Variants in FMNL2 observed in about 807,000 individuals in gnomAD.
FMNL2 encodes the protein formin like 2, also known as formin-like protein 2.
A neutral mutation model predicts 130.2 loss-of-function variants in FMNL2; 51 were observed. That is an observed-to-expected ratio of 0.39 (90% CI 0.31 to 0.49). The LOEUF is 0.49. FMNL2 is among the 20% of genes least tolerant of loss of function. FMNL2 has a pLI of 0.85. For synonymous variants in FMNL2, 465 were observed against 467.1 expected (o/e 1.00, Z 0.06); for missense variants, 977 against 1,316.2 (o/e 0.74, Z 3.99).
At chr2:152,555,590 C>CT (rs5835435) in intron 4 of FMNL2, among the ~76,000 whole-genome samples, 36,823 of 152,092 alleles carry the variant, frequency 0.24, 5,781 homozygotes, top group African/African-American at 0.44. Context: ...AAAACAGTGA[C>CT]TGTTGGCATT....
intron 15 of FMNL2, among the ~76,000 whole-genome samples, chr2:152,624,416 C>A (rs1681625633): frequency 6.6e-6 from 1 of 151,922 alleles, no homozygotes; most frequent in Admixed American, 6.5e-5. Context: ...CCTTGGCCTC[C>A]CAAAGTGCTA....
chr2:152,547,512 A>G (rs955033000), intron 3 of FMNL2, among the ~76,000 whole-genome samples: 4 of 152,208 alleles, frequency 2.6e-5, no homozygotes, highest in African/African-American at 9.6e-5. Context: ...CTGTGAGACC[A>G]TCTGCTTCCT....
chr2:152,583,696 A>C (rs1378302215), intron 9 of FMNL2, among the ~76,000 whole-genome samples: 1 of 152,216 alleles, frequency 6.6e-6, no homozygotes, highest in Non-Finnish European at 1.5e-5. Flanking sequence ...ACCTGGATCA[A>C]ATCCAGCACC....
At chr2:152,504,092 G>A (rs780946136) in intron 1 of FMNL2, among the ~76,000 whole-genome samples, 8 of 152,194 alleles carry the variant, frequency 5.3e-5, no homozygotes, top group Non-Finnish European at 1.0e-4. Context: ...GCGGGAGGTT[G>A]GGGCATGAGA....
chr2:152,504,545 G>T (rs1233785592), intron 1 of FMNL2, among the ~76,000 whole-genome samples: 1 of 152,090 alleles, frequency 6.6e-6, no homozygotes, highest in African/African-American at 2.4e-5. Flanking sequence ...GCGCTCAGCC[G>T]CAGGGAGGCT....
intron 1 of FMNL2, among the ~76,000 whole-genome samples, chr2:152,358,421 G>A (rs190760169): frequency 5.9e-5 from 9 of 152,050 alleles, no homozygotes; most frequent in African/African-American, 7.2e-5. Context: ...AGGCTGAGGC[G>A]GGTGGATCAC....
intron 1 of FMNL2, among the ~76,000 whole-genome samples, chr2:152,338,830 C>CACACACACACACACACACACAT (rs1681628981): frequency 6.9e-6 from 1 of 144,030 alleles, no homozygotes; most frequent in Non-Finnish European, 1.6e-5. Context: ...TACACACACA[C>CACACACACACACACACACACAT]ACACACACAC....
At chr2:152,559,641 G>A (rs1695415616) in intron 5 of FMNL2, among the ~76,000 whole-genome samples, 1 of 152,134 alleles carries the variant, frequency 6.6e-6, no homozygotes, top group South Asian at 2.1e-4. Context: ...TCCTTTTTCT[G>A]CTGTGTGAGA....
chr2:152,596,777 G>A (rs574356791), intron 9 of FMNL2, among the ~76,000 whole-genome samples: 1 of 152,298 alleles, frequency 6.6e-6, no homozygotes, highest in African/African-American at 2.4e-5. Context: ...AGAAAATTTA[G>A]CCTCACACAG....
intron 1 of FMNL2, among the ~76,000 whole-genome samples, chr2:152,435,938 T>TGC (rs1272418048): frequency 1.3e-5 from 2 of 152,214 alleles, no homozygotes; most frequent in African/African-American, 4.8e-5. Context: ...CAGCCTGGAC[T>TGC]GCTGGTTAGA....
At chr2:152,509,403 T>C (rs1011442483) in intron 1 of FMNL2, among the ~76,000 whole-genome samples, 1 of 152,192 alleles carries the variant, frequency 6.6e-6, no homozygotes, top group Non-Finnish European at 1.5e-5. Context: ...GGGATTTTTT[T>C]TTTTTGCTCA....
chr2:152,578,833 C>T (rs1217712277), intron 7 of FMNL2, 55 bp from the exon 8 acceptor site: 1 of 1,467,984 alleles, frequency 6.8e-7, no homozygotes, highest in Non-Finnish European at 9.3e-7. Context: ...ACTGACAGTT[C>T]CCTAACTTGT....
At chr2:152,415,309 A>G (rs757792133) in intron 1 of FMNL2, among the ~76,000 whole-genome samples, 1 of 152,200 alleles carries the variant, frequency 6.6e-6, no homozygotes, top group Admixed American at 6.5e-5. Flanking sequence ...TGGATTTGTC[A>G]AGACCTCAGT....
At chr2:152,582,635 T>C (rs942243867) in intron 9 of FMNL2, among the ~76,000 whole-genome samples, 4 of 152,206 alleles carry the variant, frequency 2.6e-5, no homozygotes, top group Admixed American at 2.6e-4. Flanking sequence ...AATGTACGAA[T>C]GCTTGTCTGT....
intron 1 of FMNL2, among the ~76,000 whole-genome samples, chr2:152,497,915 G>A (rs1435897127): frequency 6.6e-6 from 1 of 152,170 alleles, no homozygotes; most frequent in African/African-American, 2.4e-5. Context: ...GAATTCCATT[G>A]CTTGCGGTGG....
intron 2 of FMNL2, among the ~76,000 whole-genome samples, chr2:152,541,996 G>C (rs377442410): frequency 6.6e-6 from 1 of 152,122 alleles, no homozygotes; most frequent in African/African-American, 2.4e-5. Flanking sequence ...TTCAAAGTAT[G>C]GTTCCTCTTT....
chr2:152,423,706 A>G (rs577604632), intron 1 of FMNL2, among the ~76,000 whole-genome samples: 102 of 152,160 alleles, frequency 6.7e-4, no homozygotes, highest in African/African-American at 2.3e-3. Context: ...ACATGCTTTG[A>G]TGGACTTTTG....
At chr2:152,631,660 T>G (rs1682178901) in intron 20 of FMNL2, among the ~76,000 whole-genome samples, 1 of 152,192 alleles carries the variant, frequency 6.6e-6, no homozygotes, top group Non-Finnish European at 1.5e-5. Context: ...ATTTTCCACT[T>G]AGTATTTTTG....
At chr2:152,645,289 A>G (rs1034715813) in intron 25 of FMNL2, 1 of 393,314 alleles carries the variant, frequency 2.5e-6, no homozygotes, top group East Asian at 7.2e-5. Flanking sequence ...TATTTGATCT[A>G]ACATTTCTTG....
Sources: allele counts gnomAD v4.1 joint callset (sites outside exome capture counted in the v4.1 genomes callset), GRCh38; gene constraint gnomAD v4.1.1; transcripts MANE v1.5; gene names NCBI Gene and HGNC (gene_info 2026-07-23, HGNC 2026-07-21).